FXR2: variants seen among roughly 807,000 people sequenced by gnomAD.
The protein encoded by FXR2 is FMR1 autosomal homolog 2.
A neutral mutation model predicts 87.3 loss-of-function variants in FXR2; 9 were observed. That is an observed-to-expected ratio of 0.10 (90% CI 0.06 to 0.18). The LOEUF is 0.18. Ranked by LOEUF, FXR2 falls within the 10% of genes least tolerant of loss-of-function variation. FXR2 has a pLI of 1.00. For missense variants in FXR2, 661 were observed against 893.6 expected, an observed-to-expected ratio of 0.74 and a Z score of 3.32; for synonymous variants, 331 against 328.3, an observed-to-expected ratio of 1.01 and a Z score of -0.09.
chr17:7,609,677 C>A (rs2071832770), intron 1 of FXR2, among the ~76,000 whole-genome samples: 1 of 151,896 alleles, frequency 6.6e-6, no homozygotes, highest in African/African-American at 2.4e-5. Context: ...GCCTGGGTCT[C>A]TCTTCCCTTT....
chr17:7,607,760 G>A (rs915726985), intron 1 of FXR2, among the ~76,000 whole-genome samples: 1 of 151,368 alleles, frequency 6.6e-6, no homozygotes, highest in Non-Finnish European at 1.5e-5. Context: ...TTATATATAA[G>A]GTGAGGTATT....
At chr17:7,605,759 T>C (rs765457729) in intron 2 of FXR2, 21 bp from the exon 3 acceptor site, 2 of 1,343,856 alleles carry the variant, frequency 1.5e-6, no homozygotes, top group Middle Eastern at 1.8e-4. Flanking sequence ...AACAATAATA[T>C]GAAAAAGCTA....
intron 1 of FXR2, among the ~76,000 whole-genome samples, chr17:7,610,317 T>C (rs957539203): frequency 1.1e-4 from 16 of 152,148 alleles, no homozygotes; most frequent in African/African-American, 3.1e-4. Flanking sequence ...GAGACAGAGA[T>C]GAGAATCACT....
rs150457302 is a variant in FXR2 at position 7,607,327 on chromosome 17, A to G, written c.82-1178T>C. On this transcript the variant is annotated intron_variant, in intron 1 of 16. Transcript: ENST00000250113. ...GAGCAAAACTCCATCTCAAAAAAAA[A>G]AAAAAGAAAAAGAAAAAGAAATCTT... Among the ~76,000 whole-genome samples, 1,463 of 152,080 alleles carry G rather than the reference A, an allele frequency of 9.6e-3. 31 individuals carry two copies. Among genetic ancestry groups the G allele is most frequent in the African/African-American group, 0.034 (1,396 of 41,518 alleles).
intron 3 of FXR2, among the ~76,000 whole-genome samples, chr17:7,605,323 G>A (rs11655488): frequency 0.25 from 37,617 of 151,764 alleles, 4,867 homozygotes; most frequent in South Asian, 0.39. Flanking sequence ...AGCTGAGATC[G>A]CGCCACTGCA....
intron 7 of FXR2, among the ~76,000 whole-genome samples, chr17:7,598,847 A>G (rs1479240568): frequency 6.6e-6 from 1 of 152,208 alleles, no homozygotes; most frequent in Non-Finnish European, 1.5e-5. Context: ...CGTCTCTACT[A>G]AAAATACTGA....
At chr17:7,614,144 A>C in intron 1 of FXR2, 1 of 604,454 alleles carries the variant, frequency 1.7e-6, no homozygotes, top group Non-Finnish European at 3.1e-6. Context: ...GACACAGTCA[A>C]TTAGAAGCTG....
intron 6 of FXR2, 168 bp downstream of exon 6, chr17:7,602,741 A>G (rs1171199594): frequency 1.9e-6 from 1 of 539,242 alleles, no homozygotes; most frequent in African/African-American, 1.9e-5. Flanking sequence ...AAAAAAAGAA[A>G]AAAAAAAGGT....
intron 6 of FXR2, 48 bp downstream of exon 6, chr17:7,602,861 A>G: frequency 1.1e-6 from 1 of 904,994 alleles, no homozygotes; most frequent in Non-Finnish European, 1.8e-6. Flanking sequence ...AGGGAAAAAG[A>G]AAAAATGTTC....
In FXR2 at chr17:7,596,057, C is replaced by T. The variant is rs1203920331; in HGVS notation, c.661-63G>A. On this transcript the variant is annotated intron_variant, in intron 7 of 16. Transcript: ENST00000250113. ...AATCTCACAGTCCCAGGCACACGACCCTTTGCATAACTTAAATAAGGAAAA... is the reference window on the plus strand; with the variant it reads ...AATCTCACAGTCCCAGGCACACGACTCTTTGCATAACTTAAATAAGGAAAA... The T allele has an allele frequency of 8.7e-6, 11 of 1,266,072 alleles. No homozygotes were observed. The East Asian group carries it at 2.3e-4, about 27-fold the overall frequency. The allele number at this position is 1,266,072 out of a possible 1,614,324, so 78.4% of individuals were successfully genotyped here. A position where few individuals can be genotyped will look rare whatever the true frequency, so the allele number is the denominator to read the frequency against.
rs376020057 is a variant in FXR2 at position 7,613,226 on chromosome 17, T to TA, written c.81+1225dup. 1.0e-3 allele frequency among the ~76,000 whole-genome samples: 154 copies of TA among 151,920 alleles called. 1 individual carries two copies. The highest frequency in any genetic ancestry group is 3.5e-3 in the African/African-American group (145 of 41,432). ...GAAAGGGGGAAGGGGGATCCACTCTTAACAAGTGATGCCATGGGAAGGTAT... is the reference window on the plus strand; with the variant it reads ...GAAAGGGGGAAGGGGGATCCACTCTTAAACAAGTGATGCCATGGGAAGGTAT... On this transcript the variant is annotated intron_variant, in intron 1 of 16. Coordinates refer to ENST00000250113, the MANE Select transcript of FXR2 (RefSeq NM_004860.4).
At chr17:7,611,625 G>A (rs963341850) in intron 1 of FXR2, among the ~76,000 whole-genome samples, 13 of 151,922 alleles carry the variant, frequency 8.6e-5, no homozygotes, top group African/African-American at 4.8e-5. Flanking sequence ...ACGACATCAC[G>A]CCACTGTACT....
chr17:7,594,375 CT>C lies in FXR2; in HGVS notation c.911-29del. The C allele has an allele frequency of 1.4e-6, 2 of 1,410,352 alleles. No individual in the cohort carries two copies. Among genetic ancestry groups the C allele is most frequent in the Non-Finnish European group, 2.0e-6 (2 of 998,224 alleles). The allele number at this position is 1,410,352 out of a possible 1,614,324, so 87.4% of individuals were successfully genotyped here. On this transcript the variant is annotated intron_variant, in intron 9 of 16. Coordinates refer to ENST00000250113, the MANE Select transcript of FXR2 (RefSeq NM_004860.4). This position sits in a 1 kb window ranked among gnomAD's most constrained non-coding sequence, Gnocchi z 5.1. Reference sequence around the variant, plus strand: ...GGAATAGGTAAATGAGGAATTCAGCCTTTTATTTTTTTTAAGGAAATAAGAA... The same window carrying C: ...GGAATAGGTAAATGAGGAATTCAGCCTTTATTTTTTTTAAGGAAATAAGAA...
chr17:7,592,732 A>G lies in FXR2; in HGVS notation c.1691T>C (p.Leu564Pro), dbSNP rs1229750669. 6.2e-7 allele frequency: 1 copy of G among 1,613,034 alleles called. No homozygotes were observed. Among genetic ancestry groups the G allele is most frequent in the South Asian group, 1.1e-5 (1 of 91,038 alleles). Reference protein sequence around the residue: ...DEDRTVMDGGLESDGPNMTEN... With the variant: ...DEDRTVMDGGPESDGPNMTEN... ...TGTCATGTTGGGCCCATCTGATTCC[A>G]GGCCTCCATCCATGACGGTCCTGTC... Residue 564 changes from leucine to proline, a missense_variant, in exon 14 of 17, where the codon CTG becomes CCG. By Grantham distance (98) the Leu-to-Pro change is moderately conservative. Transcript: ENST00000250113. This position sits in a 1 kb window ranked among gnomAD's most constrained non-coding sequence, Gnocchi z 4.8.
At position 7,602,939 on chromosome 17, in the gene FXR2, G is replaced by C. The variant is rs16956829; in HGVS notation, c.513C>G (p.Leu171=). The C allele has an allele frequency of 5.8e-3, 9,092 of 1,570,566 alleles. 429 individuals carry two copies. The African/African-American group carries it at 0.11, about 19-fold the overall frequency. Residue 171 remains leucine (L), a synonymous_variant, in exon 6 of 17, where the codon CTC becomes CTG. Coordinates refer to ENST00000250113, the MANE Select transcript of FXR2 (RefSeq NM_004860.4). ...KKALGANCIF[L]NITNSELFIL... is the part of the protein sequence containing the mutation. ...TGAAGAGCTCACTGTTTGTGATGTT[G>C]AGAAAGATGCAGTTGGCTCCCAGGG... is the stretch of plus-strand genomic sequence containing the variant.
chr17:7,592,975 G>A lies in FXR2; in HGVS notation c.1528+9C>T. 2 of 1,564,672 alleles carry A rather than the reference G, an allele frequency of 1.3e-6. No homozygotes were observed. The highest frequency in any genetic ancestry group is 1.2e-5 in the South Asian group (1 of 83,178). ...TTGGCCCATATTCATGAACCCAGCT[G>A]TCTGGTACCTGAGCTAATAGATGAA... is the stretch of plus-strand genomic sequence containing the variant. On this transcript the variant is annotated intron_variant, in intron 13 of 16. Coordinates refer to ENST00000250113, the MANE Select transcript of FXR2 (RefSeq NM_004860.4). The surrounding 1 kb of genome is among the most constrained non-coding windows in gnomAD (Gnocchi z 4.8).
At chr17:7,602,337 G>C (rs938828305) in intron 6 of FXR2, among the ~76,000 whole-genome samples, 1 of 152,072 alleles carries the variant, frequency 6.6e-6, no homozygotes, top group Non-Finnish European at 1.5e-5. Flanking sequence ...AGGCCGAGGC[G>C]GGTGGATCAG....
intron 3 of FXR2, among the ~76,000 whole-genome samples, chr17:7,604,696 G>GA (rs1364401960): frequency 1.5e-5 from 2 of 136,730 alleles, no homozygotes; most frequent in Non-Finnish European, 1.6e-5. Flanking sequence ...ATCTCAAAAA[G>GA]AAAAAAAAGG....
chr17:7,597,298 A>T (rs1234951321), intron 7 of FXR2, among the ~76,000 whole-genome samples: 2 of 152,162 alleles, frequency 1.3e-5, no homozygotes, highest in African/African-American at 4.8e-5. Flanking sequence ...ATTGAAATAC[A>T]CTACTTCCCA....
Sources: gnomAD v4.1 joint callset for allele counts (sites outside exome capture counted in the v4.1 genomes callset) on GRCh38, gnomAD v4.1.1 for gene constraint, Gnocchi (gnomAD v3.1) non-coding constraint, MANE v1.5 for transcripts, NCBI Gene and HGNC (gene_info 2026-07-23, HGNC 2026-07-21) for gene names.